Variants in MYRFL observed in about 807,000 individuals in gnomAD.
The protein encoded by MYRFL is myelin regulatory factor like.
MYRFL carries 88 observed loss-of-function variants against 109.4 expected under a neutral mutation model. The observed-to-expected ratio is 0.80, with a 90% CI of 0.68 to 0.96. MYRFL has a LOEUF of 0.96. Among genes scored for constraint, MYRFL ranks in the 40% least tolerant of loss-of-function variants. The pLI, the probability that MYRFL is intolerant of heterozygous loss-of-function variation, is 0.00. For missense variants in MYRFL, 957 were observed against 954.9 expected (o/e 1.00, Z -0.03); for synonymous variants, 324 against 320.9 (o/e 1.01, Z -0.10).
chr12:69,879,845 T>C (rs1885950262), intron 4 of MYRFL, among the ~76,000 whole-genome samples: 1 of 152,222 alleles, frequency 6.6e-6, no homozygotes, highest in Non-Finnish European at 1.5e-5. Context: ...CTTTCTTTTA[T>C]TTCCTCTTCT....
chr12:69,887,548 G>A (rs971995654), intron 6 of MYRFL, among the ~76,000 whole-genome samples: 1 of 152,110 alleles, frequency 6.6e-6, no homozygotes, highest in Admixed American at 6.5e-5. Flanking sequence ...AGAAATAAAT[G>A]TGCAATCCTA....
At chr12:69,952,756 T>C in intron 20 of MYRFL, 43 bp from the exon 21 acceptor site, 1 of 1,365,414 alleles carries the variant, frequency 7.3e-7, no homozygotes, top group Non-Finnish European at 9.9e-7. Flanking sequence ...TCTTTTTCCT[T>C]TCAGAAGAGT....
chr12:69,912,418 C>G (rs1954599310), intron 13 of MYRFL, among the ~76,000 whole-genome samples: 1 of 152,176 alleles, frequency 6.6e-6, no homozygotes, highest in Non-Finnish European at 1.5e-5. Context: ...CTCCAGAACT[C>G]TTTTTCATAT....
At chr12:69,934,644 A>G (rs1450582797) in intron 16 of MYRFL, among the ~76,000 whole-genome samples, 1 of 152,166 alleles carries the variant, frequency 6.6e-6, no homozygotes, top group Non-Finnish European at 1.5e-5. Flanking sequence ...AGCAAAGAAA[A>G]CAGCTCTCAG....
At chr12:69,871,946 G>A (rs1885379209) in intron 2 of MYRFL, among the ~76,000 whole-genome samples, 1 of 152,076 alleles carries the variant, frequency 6.6e-6, no homozygotes, top group Admixed American at 6.5e-5. Flanking sequence ...CTATCAACTT[G>A]TTCTCCCCAT....
chr12:69,922,017 G>GA (rs566170643), intron 13 of MYRFL, among the ~76,000 whole-genome samples: 10 of 151,762 alleles, frequency 6.6e-5, no homozygotes, highest in Non-Finnish European at 1.3e-4. Context: ...GTTACCAAGG[G>GA]AAAAAAAAGA....
intron 1 of MYRFL, among the ~76,000 whole-genome samples, chr12:69,852,579 A>ATTTTTTTTTTTTTTT (rs61145700): frequency 2.7e-4 from 30 of 112,174 alleles, no homozygotes; most frequent in Non-Finnish European, 4.6e-4. Context: ...TTAATTTTTA[A>ATTTTTTTTTTTTTTT]TTTTTTTTTT....
chr12:69,855,196 G>T (rs1884198885), intron 1 of MYRFL, 84 bp from the exon 2 acceptor site: 1 of 641,498 alleles, frequency 1.6e-6, no homozygotes, highest in African/African-American at 1.8e-5. Flanking sequence ...CACAGTCCCT[G>T]ACCTTAAAGA....
In MYRFL at chr12:69,917,383, C is replaced by CTTTTTT. The variant is rs56118035; in HGVS notation, c.1602+6471_1602+6476dup. Among the ~76,000 whole-genome samples, 99 of 102,498 alleles carry CTTTTTT rather than the reference C, an allele frequency of 9.7e-4. 1 individual carries two copies. Among genetic ancestry groups the CTTTTTT allele is most frequent in the East Asian group, 2.2e-3 (6 of 2,684 alleles). The allele number at this position is 102,498 out of a possible 152,430, so 67.2% of individuals were successfully genotyped here. A position where few individuals can be genotyped will look rare whatever the true frequency, so the allele number is the denominator to read the frequency against. ...TGAAATCATCTTGTTTATTCACTGA[C>CTTTTTT]TTTTTTTTTTTTTTTTTTTTTTTGC... On this transcript the variant is annotated intron_variant, in intron 13 of 24. Coordinates refer to ENST00000552032, the MANE Select transcript of MYRFL (RefSeq NM_182530.3).
Position 69,929,433 on chromosome 12 carries a change from G to C in MYRFL, c.1830+1685G>C, listed in dbSNP as rs115392742. Among the ~76,000 whole-genome samples the C allele has an allele frequency of 4.9e-3, 745 of 152,312 alleles. 14 individuals are homozygous for C. The highest frequency in any genetic ancestry group is 0.017 in the African/African-American group (690 of 41,562). The stretch of plus-strand genomic sequence containing the variant: ...GCTCAGAGTGCCAGGAGGTTTATGA[G>C]AGTTGAGCCTTAAAGGAGGAGTAAG... On this transcript the variant is annotated intron_variant, in intron 15 of 24. Coordinates refer to ENST00000552032, the MANE Select transcript of MYRFL (RefSeq NM_182530.3).
intron 1 of MYRFL, among the ~76,000 whole-genome samples, chr12:69,837,600 A>G (rs757423321): frequency 2.6e-5 from 4 of 152,340 alleles, no homozygotes; most frequent in Middle Eastern, 3.4e-3. Flanking sequence ...CATCCAGATG[A>G]GGAAGTAGGC....
At position 69,891,264 on chromosome 12, in the gene MYRFL, A is replaced by G. The variant is rs912064947; in HGVS notation, c.903+98A>G. On this transcript the variant is annotated intron_variant, in intron 7 of 24. Coordinates refer to ENST00000552032, the MANE Select transcript of MYRFL (RefSeq NM_182530.3). The stretch of plus-strand genomic sequence containing the variant: ...AAACTATCCCAAAATGACTTAAAAT[A>G]ATAACAGTCCTTTATTTTGGTCACA... 1.9e-4 allele frequency: 170 copies of G among 914,920 alleles called. 3 individuals carry two copies. Among genetic ancestry groups the G allele is most frequent in the Middle Eastern group, 1.5e-3 (5 of 3,362 alleles). 56.7% of individuals were successfully genotyped at this position (914,920 alleles called of 1,614,324 possible). A position where few individuals can be genotyped will look rare whatever the true frequency, so the allele number is the denominator to read the frequency against.
chr12:69,958,109 T>C lies in MYRFL; in HGVS notation c.2572-140T>C, dbSNP rs573606746. The C allele has an allele frequency of 7.9e-6, 9 of 1,142,264 alleles. No homozygotes were observed. In the African/African-American group the frequency reaches 9.3e-5, roughly 12 times the overall value. 70.8% of individuals were successfully genotyped at this position (1,142,264 alleles called of 1,614,324 possible). A position where few individuals can be genotyped will look rare whatever the true frequency, so the allele number is the denominator to read the frequency against. On this transcript the variant is annotated intron_variant, in intron 23 of 24. Coordinates refer to ENST00000552032, the MANE Select transcript of MYRFL (RefSeq NM_182530.3). ...GCAACTTCTGTTCTGTTGCTAGGAC[T>C]GTTCTAGCAACACCCATCAAAAGCT...
At chr12:69,877,323 T>C (rs1210142635) in intron 2 of MYRFL, among the ~76,000 whole-genome samples, 1 of 152,024 alleles carries the variant, frequency 6.6e-6, no homozygotes, top group African/African-American at 2.4e-5. Flanking sequence ...GCGCCAGGCC[T>C]CCAGTTGTTT....
chr12:69,956,618 G>T (rs988371129), intron 22 of MYRFL, among the ~76,000 whole-genome samples: 1 of 149,986 alleles, frequency 6.7e-6, no homozygotes, highest in African/African-American at 2.5e-5. Context: ...CTCTCCCTCT[G>T]CTTGCCCAGC....
intron 13 of MYRFL, among the ~76,000 whole-genome samples, chr12:69,924,579 A>G (rs1955013442): frequency 6.6e-6 from 1 of 152,192 alleles, no homozygotes; most frequent in South Asian, 2.1e-4. Flanking sequence ...TCTGTGGAAT[A>G]GACTCCTAGA....
At position 69,943,214 on chromosome 12, in the gene MYRFL, C is replaced by G. The variant is rs182833190; in HGVS notation, c.2224+6582C>G. On this transcript the variant is annotated intron_variant, in intron 19 of 24. Coordinates refer to ENST00000552032, the MANE Select transcript of MYRFL (RefSeq NM_182530.3). ...GTTCATATGGAACGAAAAAACAGCCCGCATCGCCAAGTTAATCCTAAGCCA... is the reference window on the plus strand; with the variant it reads ...GTTCATATGGAACGAAAAAACAGCCGGCATCGCCAAGTTAATCCTAAGCCA... Among the ~76,000 whole-genome samples, 484 of 151,722 alleles carry G rather than the reference C, an allele frequency of 3.2e-3. 6 individuals carry two copies. Among genetic ancestry groups the G allele is most frequent in the African/African-American group, 0.011 (452 of 41,078 alleles).
At chr12:69,861,733 G>A (rs1191075927) in intron 2 of MYRFL, among the ~76,000 whole-genome samples, 2 of 151,184 alleles carry the variant, frequency 1.3e-5, no homozygotes, top group African/African-American at 4.9e-5. Context: ...CTTTTGCTGT[G>A]CAGAAGCTCT....
intron 5 of MYRFL, among the ~76,000 whole-genome samples, chr12:69,881,147 GT>G (rs1469655269): frequency 3.4e-5 from 5 of 147,868 alleles, no homozygotes; most frequent in Non-Finnish European, 7.5e-5. Context: ...TTGCTTATTT[GT>G]TTTGTAAAGA....
Sources: allele counts gnomAD v4.1 joint callset (sites outside exome capture counted in the v4.1 genomes callset), GRCh38; gene constraint gnomAD v4.1.1; transcripts MANE v1.5; gene names NCBI Gene and HGNC (gene_info 2026-07-23, HGNC 2026-07-21).